The following CUX2 variants were observed in gnomAD, a reference collection of about 807,000 sequenced individuals.
CUX2 encodes the protein cut like homeobox 2, also known as homeobox protein cut-like 2.
CUX2 carries 40 observed loss-of-function variants against 144.8 expected under a neutral mutation model. The observed-to-expected ratio is 0.28, with a 90% CI of 0.21 to 0.36. CUX2 has a LOEUF of 0.36. Ranked by LOEUF, CUX2 falls within the 10% of genes least tolerant of loss-of-function variation. The pLI is 1.00. For synonymous variants in CUX2, 827 were observed against 875.6 expected (o/e 0.94, Z 0.98); for missense variants, 1,615 against 1,994.0 (o/e 0.81, Z 3.62).
chr12:111,295,486 G>T lies in CUX2; in HGVS notation c.637+77G>T. The T allele has an allele frequency of 1.5e-6, 2 of 1,295,938 alleles. No homozygotes were observed. The highest frequency in any genetic ancestry group is 2.7e-5 in the South Asian group (2 of 73,460). The allele number at this position is 1,295,938 out of a possible 1,614,324, so 80.3% of individuals were successfully genotyped here. A position where few individuals can be genotyped will look rare whatever the true frequency, so the allele number is the denominator to read the frequency against. On this transcript the variant is annotated intron_variant, in intron 7 of 21. Coordinates refer to ENST00000261726, the MANE Select transcript of CUX2 (RefSeq NM_015267.4). The surrounding 1 kb of genome is among the most constrained non-coding windows in gnomAD (Gnocchi z 5.0). ...TGCTGTCAACGAGGGGTCACGGCTT[G>T]GGGTCTGCCACATCCAGGTGTTTTA...
intron 15 of CUX2, among the ~76,000 whole-genome samples, chr12:111,311,625 G>A (rs1157554478): frequency 1.4e-5 from 2 of 142,238 alleles, no homozygotes; most frequent in Non-Finnish European, 3.0e-5. Flanking sequence ...TTGAGACGGA[G>A]TCTTGTTCTG....
intron 18 of CUX2, among the ~76,000 whole-genome samples, chr12:111,330,141 G>C (rs1438220103): frequency 1.3e-5 from 2 of 152,194 alleles, no homozygotes. Flanking sequence ...AGCTCACTTG[G>C]GGCTGGGGGC....
In CUX2 at chr12:111,171,948, C is replaced by T. The variant is rs1035659954; in HGVS notation, c.64-42252C>T. ...GTGTGCCTGTGCCTGTGTACACGTG[C>T]GTGTGTGTGCGTGCATGTGCATGCA... On this transcript the variant is annotated intron_variant, in intron 1 of 21. Coordinates refer to ENST00000261726, the MANE Select transcript of CUX2 (RefSeq NM_015267.4). The surrounding 1 kb of genome is among the most constrained non-coding windows in gnomAD (Gnocchi z 5.0). Among the ~76,000 whole-genome samples, 5 of 151,854 alleles carry T rather than the reference C, an allele frequency of 3.3e-5. No homozygotes were observed. The highest frequency in any genetic ancestry group is 1.2e-4 in the African/African-American group (5 of 41,412).
At chr12:111,123,941 G>A (rs917890581) in intron 1 of CUX2, among the ~76,000 whole-genome samples, 4 of 152,188 alleles carry the variant, frequency 2.6e-5, no homozygotes, top group Non-Finnish European at 5.9e-5. Context: ...AGTCAGAGCT[G>A]GGATTTGAAC....
chr12:111,301,837 C>T (rs1886310639), intron 9 of CUX2, among the ~76,000 whole-genome samples: 1 of 152,220 alleles, frequency 6.6e-6, no homozygotes, highest in African/African-American at 2.4e-5. Context: ...GGGGCTGTCT[C>T]CATGATGTGG....
chr12:111,300,350 A>C (rs1206138475), intron 9 of CUX2, among the ~76,000 whole-genome samples: 1 of 152,160 alleles, frequency 6.6e-6, no homozygotes, highest in Non-Finnish European at 1.5e-5. Context: ...CAAACTCTTG[A>C]GCTCAAGCAG....
chr12:111,215,702 T>A (rs1410985286), intron 2 of CUX2, among the ~76,000 whole-genome samples: 1 of 152,152 alleles, frequency 6.6e-6, no homozygotes, highest in East Asian at 1.9e-4. Context: ...CCTTTGACTC[T>A]CCTTTGACTC....
At chr12:111,152,891 A>G (rs1273364181) in intron 1 of CUX2, among the ~76,000 whole-genome samples, 1 of 152,198 alleles carries the variant, frequency 6.6e-6, no homozygotes, top group African/African-American at 2.4e-5. Context: ...AGAAACATAA[A>G]GAAGGCACCT....
intron 1 of CUX2, among the ~76,000 whole-genome samples, chr12:111,205,719 G>A (rs918346014): frequency 3.9e-5 from 6 of 152,192 alleles, no homozygotes; most frequent in Non-Finnish European, 5.9e-5. Flanking sequence ...TATAGACACA[G>A]AAACGGAGGC....
At chr12:111,123,029 C>T (rs1055686519) in intron 1 of CUX2, among the ~76,000 whole-genome samples, 3 of 152,270 alleles carry the variant, frequency 2.0e-5, no homozygotes, top group East Asian at 3.9e-4. Context: ...CTTGGATGTC[C>T]GATGCAGCCA....
chr12:111,196,581 T>G (rs1008080025), intron 1 of CUX2, among the ~76,000 whole-genome samples: 2 of 152,088 alleles, frequency 1.3e-5, no homozygotes, highest in Non-Finnish European at 2.9e-5. Flanking sequence ...AAGAAATGAA[T>G]GGCAGGTGGG....
intron 1 of CUX2, among the ~76,000 whole-genome samples, chr12:111,189,088 G>A (rs1485688655): frequency 6.6e-6 from 1 of 152,014 alleles, no homozygotes; most frequent in African/African-American, 2.4e-5. Flanking sequence ...GAGACCAGCC[G>A]GGGCAAAGTG....
chr12:111,242,386 C>T (rs1883064308), intron 3 of CUX2, among the ~76,000 whole-genome samples: 1 of 152,252 alleles, frequency 6.6e-6, no homozygotes, highest in Non-Finnish European at 1.5e-5. Context: ...CATTCGTTCA[C>T]ATATTTCCTG....
rs982007640 is a variant in CUX2 at position 111,057,157 on chromosome 12, G to A, written c.63+22917G>A. ...GTTGTGACGGGAGGTTGTGTGACGA[G>A]AGTGAGTATGACAGGAAATGGCCTG... On this transcript the variant is annotated intron_variant, in intron 1 of 21. Coordinates refer to ENST00000261726, the MANE Select transcript of CUX2 (RefSeq NM_015267.4). This position sits in a 1 kb window ranked among gnomAD's most constrained non-coding sequence, Gnocchi z 5.1. Among the ~76,000 whole-genome samples, 1 of 152,068 alleles carries A rather than the reference G, an allele frequency of 6.6e-6. No homozygotes were observed. The highest frequency in any genetic ancestry group is 1.5e-5 in the Non-Finnish European group (1 of 68,018).
Position 111,263,943 on chromosome 12 carries a change from C to A in CUX2, c.301+104C>A. 2.7e-6 allele frequency: 3 copies of A among 1,129,768 alleles called. No individual in the cohort carries two copies. The highest frequency in any genetic ancestry group is 4.0e-6 in the Non-Finnish European group (3 of 748,536). 70.0% of individuals were successfully genotyped at this position (1,129,768 alleles called of 1,614,324 possible). On this transcript the variant is annotated intron_variant, in intron 4 of 21. Transcript: ENST00000261726. The surrounding 1 kb of genome is among the most constrained non-coding windows in gnomAD (Gnocchi z 4.0). ...GGTGGGATGTGGGGACATGCCTGGG[C>A]TCCTGGGTGAGGCCAGGCACTCTGT...
At chr12:111,208,580 G>GA (rs1340621912) in intron 1 of CUX2, among the ~76,000 whole-genome samples, 2 of 152,114 alleles carry the variant, frequency 1.3e-5, no homozygotes, top group African/African-American at 4.8e-5. Flanking sequence ...TGTGTGATGT[G>GA]GGTGGGTAAC....
At chr12:111,282,965 C>A (rs1337306047) in intron 4 of CUX2, among the ~76,000 whole-genome samples, 4 of 152,110 alleles carry the variant, frequency 2.6e-5, no homozygotes, top group African/African-American at 4.8e-5. Flanking sequence ...GTAATCCCAG[C>A]ACTTTGGAAG....
chr12:111,288,495 C>A (rs575248136), intron 4 of CUX2, among the ~76,000 whole-genome samples: 2 of 151,998 alleles, frequency 1.3e-5, no homozygotes, highest in African/African-American at 4.8e-5. Flanking sequence ...CTCTGCTTCC[C>A]AGCAGAGAGC....
chr12:111,198,035 C>T (rs969652203), intron 1 of CUX2, among the ~76,000 whole-genome samples: 8 of 152,150 alleles, frequency 5.3e-5, no homozygotes, highest in African/African-American at 1.9e-4. Flanking sequence ...ACCCTGGACC[C>T]TAAAGTGAGA....
Sources: allele counts gnomAD v4.1 joint callset (sites outside exome capture counted in the v4.1 genomes callset), GRCh38; gene constraint gnomAD v4.1.1; non-coding constraint Gnocchi (gnomAD v3.1); transcripts MANE v1.5; gene names NCBI Gene and HGNC (gene_info 2026-07-23, HGNC 2026-07-21).